The following WWTR1 variants were observed in gnomAD, a reference collection of about 807,000 sequenced individuals.
WWTR1 encodes WW domain containing transcription regulator 1.
Under a neutral mutation model 40.1 loss-of-function variants are expected in WWTR1, and 13 were observed. The ratio of observed to expected loss-of-function variants is 0.32; its 90% CI spans 0.21 to 0.52. WWTR1 has a LOEUF of 0.52. Among genes scored for constraint, WWTR1 ranks in the 20% least tolerant of loss-of-function variants. The pLI is 0.97. For synonymous variants in WWTR1, 230 were observed against 210.1 expected, an observed-to-expected ratio of 1.09 and a Z score of -0.82; for missense variants, 436 against 523.1, an observed-to-expected ratio of 0.83 and a Z score of 1.63.
intron 6 of WWTR1, among the ~76,000 whole-genome samples, chr3:149,523,303 C>T (rs893742858): frequency 6.6e-6 from 1 of 150,910 alleles, no homozygotes; most frequent in Non-Finnish European, 1.5e-5. Context: ...AGCTAGAGTG[C>T]AATGGCACAA....
At chr3:149,529,002 T>G (rs574441625) in intron 4 of WWTR1, among the ~76,000 whole-genome samples, 3 of 152,346 alleles carry the variant, frequency 2.0e-5, no homozygotes, top group Admixed American at 2.0e-4. Context: ...CTGCAACTAC[T>G]TTCTCTAGGT....
intron 1 of WWTR1, among the ~76,000 whole-genome samples, chr3:149,682,598 A>G (rs909152635): frequency 6.6e-6 from 1 of 152,184 alleles, no homozygotes; most frequent in African/African-American, 2.4e-5. Context: ...CATTCAACAT[A>G]CAATATCGAA....
chr3:149,685,335 A>G (rs868064623), intron 1 of WWTR1, among the ~76,000 whole-genome samples: 1 of 152,238 alleles, frequency 6.6e-6, no homozygotes, highest in Non-Finnish European at 1.5e-5. Context: ...CGCCCAACAG[A>G]GAAAACCAGT....
At chr3:149,635,350 C>A (rs1711761928) in intron 2 of WWTR1, among the ~76,000 whole-genome samples, 1 of 152,120 alleles carries the variant, frequency 6.6e-6, no homozygotes, top group Admixed American at 6.5e-5. Flanking sequence ...GTTTAAGTAA[C>A]ATTACAGTCC....
At chr3:149,547,550 G>C (rs1736423514) in intron 3 of WWTR1, among the ~76,000 whole-genome samples, 1 of 151,826 alleles carries the variant, frequency 6.6e-6, no homozygotes, top group Non-Finnish European at 1.5e-5. Flanking sequence ...AGAAAAGGCA[G>C]AGTATTCCAA....
chr3:149,683,469 GGA>G (rs995921746), intron 1 of WWTR1, among the ~76,000 whole-genome samples: 4 of 152,064 alleles, frequency 2.6e-5, no homozygotes, highest in African/African-American at 9.7e-5. Flanking sequence ...CAAAGCGGAT[GGA>G]TCACTTGAGG....
chr3:149,558,214 G>C (rs1291007311), intron 3 of WWTR1, among the ~76,000 whole-genome samples: 1 of 151,828 alleles, frequency 6.6e-6, no homozygotes, highest in East Asian at 1.9e-4. Flanking sequence ...GGTTTTTTGT[G>C]GTCTTGAGTC....
At chr3:149,639,615 CAT>C (rs759202877) in intron 2 of WWTR1, among the ~76,000 whole-genome samples, 3 of 152,146 alleles carry the variant, frequency 2.0e-5, no homozygotes, top group Non-Finnish European at 2.9e-5. Flanking sequence ...CTTATAAACT[CAT>C]ATTTCTGGGC....
At chr3:149,623,915 A>G (rs1417194202) in intron 2 of WWTR1, among the ~76,000 whole-genome samples, 20 of 152,096 alleles carry the variant, frequency 1.3e-4, no homozygotes, top group Non-Finnish European at 1.5e-5. Flanking sequence ...GCTCTCTTGC[A>G]TATATGCTTA....
chr3:149,636,015 CAAGTA>C (rs1359581534), intron 2 of WWTR1, among the ~76,000 whole-genome samples: 3 of 151,894 alleles, frequency 2.0e-5, no homozygotes, highest in Non-Finnish European at 4.4e-5. Flanking sequence ...TCTTAAAGGA[CAAGTA>C]AAGAATAAAA....
chr3:149,654,995 G>A (rs1009324907), intron 2 of WWTR1, among the ~76,000 whole-genome samples: 2 of 151,978 alleles, frequency 1.3e-5, no homozygotes, highest in African/African-American at 4.8e-5. Flanking sequence ...GCTTGGTGGC[G>A]GGTGCCTGTA....
At chr3:149,592,556 TAG>T (rs1381452026) in intron 2 of WWTR1, among the ~76,000 whole-genome samples, 2 of 152,204 alleles carry the variant, frequency 1.3e-5, no homozygotes, top group African/African-American at 2.4e-5. Flanking sequence ...TAATATAGAT[TAG>T]AGAGATTAAT....
At chr3:149,569,978 T>A (rs1191403541) in intron 3 of WWTR1, among the ~76,000 whole-genome samples, 1 of 152,242 alleles carries the variant, frequency 6.6e-6, no homozygotes, top group East Asian at 1.9e-4. Flanking sequence ...CACCCAGCTC[T>A]GCTCTTTTTA....
At chr3:149,633,410 A>T (rs1711645374) in intron 2 of WWTR1, among the ~76,000 whole-genome samples, 1 of 152,190 alleles carries the variant, frequency 6.6e-6, no homozygotes, top group South Asian at 2.1e-4. Flanking sequence ...TATATATGCA[A>T]GTGTAATTGG....
chr3:149,577,086 G>A (rs2108005551), intron 2 of WWTR1, among the ~76,000 whole-genome samples: 1 of 152,242 alleles, frequency 6.6e-6, no homozygotes, highest in South Asian at 2.1e-4. Context: ...GAACCCAGGA[G>A]GCGGAGATTG....
In WWTR1 at chr3:149,588,567, T is replaced by C. The variant is rs958397503; in HGVS notation, c.432-15567A>G. Among the ~76,000 whole-genome samples, 12 of 152,324 alleles carry C rather than the reference T, an allele frequency of 7.9e-5. 1 individual carries two copies. The highest frequency in any genetic ancestry group is 5.8e-4 in the East Asian group (3 of 5,188). On this transcript the variant is annotated intron_variant, in intron 2 of 6. Transcript: ENST00000360632. ...AGACATGATAAATTACATGGATCTG[T>C]ATTTGCTAAAATATATTGTGGGAGT... is the stretch of plus-strand genomic sequence containing the variant.
At chr3:149,694,806 C>T (rs115427928) in intron 1 of WWTR1, among the ~76,000 whole-genome samples, 3,231 of 152,302 alleles carry the variant, frequency 0.021, 66 homozygotes, top group South Asian at 0.092. Flanking sequence ...AATCCCACTG[C>T]TAGGTATACA....
chr3:149,525,963 C>T (rs751891815), intron 6 of WWTR1, 50 bp downstream of exon 6: 2 of 1,052,556 alleles, frequency 1.9e-6, no homozygotes, highest in Non-Finnish European at 2.7e-6. Context: ...CCGAAGAGAT[C>T]ATTTAAAAAA....
At chr3:149,645,795 A>T (rs1279522764) in intron 2 of WWTR1, among the ~76,000 whole-genome samples, 6 of 150,404 alleles carry the variant, frequency 4.0e-5, no homozygotes, top group South Asian at 2.1e-4. Context: ...ACAAATGAAT[A>T]TTTTTTTTTT....
Sources: gnomAD v4.1 joint callset for allele counts (sites outside exome capture counted in the v4.1 genomes callset) on GRCh38, gnomAD v4.1.1 for gene constraint, MANE v1.5 for transcripts, NCBI Gene and HGNC (gene_info 2026-07-23, HGNC 2026-07-21) for gene names.